Variants in P4HA1 observed in about 807,000 individuals in gnomAD.
P4HA1 encodes prolyl 4-hydroxylase subunit alpha 1.
A neutral mutation model predicts 72.8 loss-of-function variants in P4HA1; 24 were observed. The observed-to-expected ratio is 0.33, with a 90% CI of 0.24 to 0.46. P4HA1 has a LOEUF of 0.46. P4HA1 is among the 20% of genes least tolerant of loss of function. The pLI is 1.00. For missense variants in P4HA1, 446 were observed against 640.6 expected (o/e 0.70, Z 3.28); for synonymous variants, 201 against 218.8 (o/e 0.92, Z 0.72).
chr10:73,043,381 C>T (rs1311412380), intron 9 of P4HA1, among the ~76,000 whole-genome samples: 4 of 152,182 alleles, frequency 2.6e-5, no homozygotes, highest in African/African-American at 9.7e-5. Context: ...ATTCTGTGAG[C>T]TCTAAGTTAC....
chr10:73,039,663 C>T (rs1235435223), intron 9 of P4HA1, among the ~76,000 whole-genome samples: 5 of 152,194 alleles, frequency 3.3e-5, no homozygotes, highest in East Asian at 3.9e-4. Context: ...CAAAAAAATT[C>T]TATTTGCTGA....
At chr10:73,071,007 C>T (rs1259644569) in intron 4 of P4HA1, among the ~76,000 whole-genome samples, 1 of 151,912 alleles carries the variant, frequency 6.6e-6, no homozygotes, top group Non-Finnish European at 1.5e-5. Context: ...CATAGCAAGA[C>T]CTTGTTTCTA....
At chr10:73,051,318 T>C in intron 6 of P4HA1, 69 bp from the exon 7 acceptor site, 3 of 802,888 alleles carry the variant, frequency 3.7e-6, no homozygotes, top group South Asian at 3.8e-5. Context: ...AATATAGTAA[T>C]ATAAAAATAG....
At chr10:73,045,381 T>C (rs1840832187) in intron 8 of P4HA1, among the ~76,000 whole-genome samples, 1 of 151,950 alleles carries the variant, frequency 6.6e-6, no homozygotes, top group South Asian at 2.1e-4. Flanking sequence ...ACAGTTAAAA[T>C]AGCCATCTGG....
chr10:73,084,625 T>G (rs917070628), intron 1 of P4HA1, among the ~76,000 whole-genome samples: 3 of 152,096 alleles, frequency 2.0e-5, no homozygotes, highest in Non-Finnish European at 4.4e-5. Context: ...AAGATTGAAT[T>G]TTATATAGCA....
chr10:73,070,126 C>T (rs1025934285), intron 4 of P4HA1, among the ~76,000 whole-genome samples: 1 of 130,934 alleles, frequency 7.6e-6, no homozygotes, highest in African/African-American at 2.9e-5. Flanking sequence ...GTATTTTGAA[C>T]AGCAAGAGAC....
intron 9 of P4HA1, among the ~76,000 whole-genome samples, chr10:73,039,063 T>G (rs1194130252): frequency 6.6e-6 from 1 of 152,182 alleles, no homozygotes; most frequent in Non-Finnish European, 1.5e-5. Flanking sequence ...GAGGATCACT[T>G]GAGCCCGGGA....
At chr10:73,052,190 G>GAA (rs771970988) in intron 6 of P4HA1, among the ~76,000 whole-genome samples, 5 of 127,700 alleles carry the variant, frequency 3.9e-5, no homozygotes, top group African/African-American at 6.0e-5. Context: ...CATCTGAGAG[G>GAA]AAAAAAAAAA....
intron 7 of P4HA1, among the ~76,000 whole-genome samples, chr10:73,050,180 A>T (rs1259351695): frequency 6.6e-6 from 1 of 151,886 alleles, no homozygotes; most frequent in Non-Finnish European, 1.5e-5. Flanking sequence ...AAAAAAAAAA[A>T]AATACTGCTG....
intron 5 of P4HA1, among the ~76,000 whole-genome samples, chr10:73,058,220 T>C (rs895904008): frequency 2.0e-5 from 3 of 151,482 alleles, no homozygotes; most frequent in African/African-American, 4.9e-5. Flanking sequence ...TAGATGGTTA[T>C]TAAGAAATGG....
At chr10:73,089,968 C>T (rs377663029) in intron 1 of P4HA1, among the ~76,000 whole-genome samples, 19 of 152,210 alleles carry the variant, frequency 1.2e-4, no homozygotes, top group African/African-American at 4.1e-4. Context: ...TCCCAAGTAG[C>T]GGGGACTGCA....
chr10:73,093,497 T>C (rs911095772), intron 1 of P4HA1, among the ~76,000 whole-genome samples: 1 of 152,036 alleles, frequency 6.6e-6, no homozygotes, highest in African/African-American at 2.4e-5. Context: ...GAAGCTGTCC[T>C]AATGACAGGA....
At chr10:73,089,390 ACT>A (rs1208354929) in intron 1 of P4HA1, among the ~76,000 whole-genome samples, 2 of 152,190 alleles carry the variant, frequency 1.3e-5, no homozygotes, top group Non-Finnish European at 2.9e-5. Context: ...TTTGAAGCAC[ACT>A]GTTTAAAGAA....
chr10:73,093,859 A>T (rs1485023807), intron 1 of P4HA1, among the ~76,000 whole-genome samples: 2 of 68,214 alleles, frequency 2.9e-5, no homozygotes, highest in African/African-American at 1.5e-4. Context: ...AAAAAAAAAA[A>T]AAAAAAAAAA....
intron 5 of P4HA1, among the ~76,000 whole-genome samples, chr10:73,061,564 C>T (rs1240767355): frequency 6.6e-6 from 1 of 152,056 alleles, no homozygotes; most frequent in Admixed American, 6.6e-5. Context: ...GAAATACTGT[C>T]GATTTGTTAA....
At chr10:73,073,094 T>G (rs1841604771) in intron 3 of P4HA1, among the ~76,000 whole-genome samples, 1 of 140,780 alleles carries the variant, frequency 7.1e-6, no homozygotes, top group Non-Finnish European at 1.5e-5. Flanking sequence ...CACTTGAACC[T>G]GGAAGGTGGA....
intron 10 of P4HA1, among the ~76,000 whole-genome samples, chr10:73,021,274 T>C (rs1422001389): frequency 6.6e-6 from 1 of 152,030 alleles, no homozygotes; most frequent in African/African-American, 2.4e-5. Flanking sequence ...CCTTAAAAAC[T>C]AAAAATAGAT....
chr10:73,063,505 A>T (rs1841358148), intron 5 of P4HA1, among the ~76,000 whole-genome samples: 1 of 152,258 alleles, frequency 6.6e-6, no homozygotes, highest in Non-Finnish European at 1.5e-5. Context: ...ACTTCTTAAT[A>T]GTTTAACATG....
chr10:73,019,730 G>GAAAAAAAC lies in P4HA1; in HGVS notation c.1249-2832_1249-2831insGTTTTTTT, dbSNP rs1554837884. 9.2e-5 allele frequency among the ~76,000 whole-genome samples: 6 copies of GAAAAAAAC among 65,232 alleles called. 1 individual carries two copies. Among genetic ancestry groups the GAAAAAAAC allele is most frequent in the Non-Finnish European group, 1.2e-4 (5 of 42,512 alleles). The allele number at this position is 65,232 out of a possible 152,430, so 42.8% of individuals were successfully genotyped here. A position where few individuals can be genotyped will look rare whatever the true frequency, so the allele number is the denominator to read the frequency against. On this transcript the variant is annotated intron_variant, in intron 10 of 14. Transcript: ENST00000394890. ...GGCGACAGAGCGAGACTCTGTCTCAGAAAAAAAAAAAAAAAAAGAATTCAA... is the reference window on the plus strand; with the variant it reads ...GGCGACAGAGCGAGACTCTGTCTCAGAAAAAAACAAAAAAAAAAAAAAAAAGAATTCAA...
Sources: gnomAD v4.1 joint callset for allele counts (sites outside exome capture counted in the v4.1 genomes callset) on GRCh38, gnomAD v4.1.1 for gene constraint, MANE v1.5 for transcripts, NCBI Gene and HGNC (gene_info 2026-07-23, HGNC 2026-07-21) for gene names.